LRP12: variants seen among roughly 807,000 people sequenced by gnomAD.
LRP12 encodes LDL receptor related protein 12.
LRP12 carries 14 observed loss-of-function variants against 66.0 expected under a neutral mutation model. That is an observed-to-expected ratio of 0.21 (90% CI 0.14 to 0.33). The LOEUF is 0.33. Ranked by LOEUF, LRP12 falls within the 10% of genes least tolerant of loss-of-function variation. The probability of loss-of-function intolerance (pLI) is 1.00; values close to 1 mark genes in which losing one functional copy is unlikely to be tolerated. For synonymous variants in LRP12, 357 were observed against 359.1 expected (o/e 0.99, Z 0.07); for missense variants, 889 against 1,053.4 (o/e 0.84, Z 2.16).
Position 104,497,276 on chromosome 8 carries a change from A to G in LRP12, c.1276T>C (p.Cys426Arg). Residue 426 changes from cysteine (C) to arginine (R), a missense_variant, in exon 5 of 7, where the codon TGT (cysteine) becomes CGT (arginine). Coordinates refer to ENST00000276654, the MANE Select transcript of LRP12 (RefSeq NM_013437.5). The surrounding 1 kb of genome is among the most constrained non-coding windows in gnomAD (Gnocchi z 4.3). Reference protein sequence around the residue: ...EEFPCSRNGVCYPRSDRCNYQ... With the variant: ...EEFPCSRNGVRYPRSDRCNYQ... ...TTGCAGCGATCAGAACGAGGATAAC[A>G]GACACCATTTCGGGAACATGGAAAT... 6.2e-7 allele frequency: 1 copy of G among 1,614,200 alleles called. No homozygotes were observed. Among genetic ancestry groups the G allele is most frequent in the Non-Finnish European group, 8.5e-7 (1 of 1,180,024 alleles).
chr8:104,553,116 A>G (rs1811752526), intron 1 of LRP12, among the ~76,000 whole-genome samples: 1 of 152,142 alleles, frequency 6.6e-6, no homozygotes, highest in African/African-American at 2.4e-5. Context: ...TTTGTCTTCC[A>G]GGGGTCCTTG....
chr8:104,561,783 T>C (rs1811911355), intron 1 of LRP12, among the ~76,000 whole-genome samples: 3 of 152,170 alleles, frequency 2.0e-5, no homozygotes, highest in African/African-American at 7.2e-5. Flanking sequence ...GTCCCCTTTT[T>C]ATTGGCCATT....
intron 2 of LRP12, among the ~76,000 whole-genome samples, chr8:104,521,827 A>C (rs1183244939): frequency 2.6e-5 from 4 of 151,972 alleles, no homozygotes. Context: ...ACTGGTCAAA[A>C]GAACTAGTGA....
chr8:104,575,611 A>G (rs1812153506), intron 1 of LRP12, among the ~76,000 whole-genome samples: 1 of 147,996 alleles, frequency 6.8e-6, no homozygotes, highest in Admixed American at 6.7e-5. Flanking sequence ...GATAAAAGGG[A>G]AAAAAAAATC....
chr8:104,492,142 G>A (rs577447321), intron 6 of LRP12, among the ~76,000 whole-genome samples: 2 of 151,954 alleles, frequency 1.3e-5, no homozygotes, highest in African/African-American at 2.4e-5. Flanking sequence ...ATACAGCACC[G>A]AAGACAACAA....
chr8:104,500,080 A>C (rs1048821103), intron 3 of LRP12, among the ~76,000 whole-genome samples: 8 of 152,230 alleles, frequency 5.3e-5, no homozygotes, highest in Non-Finnish European at 1.0e-4. Flanking sequence ...TTTTTACATA[A>C]ATCACTTTAT....
chr8:104,525,336 T>G (rs920340159), intron 2 of LRP12, among the ~76,000 whole-genome samples: 2 of 152,144 alleles, frequency 1.3e-5, no homozygotes, highest in African/African-American at 4.8e-5. Context: ...TTTGATAATT[T>G]AACTACAATT....
Position 104,489,483 on chromosome 8 carries a change from A to T in LRP12, c.*1190T>A, listed in dbSNP as rs1810582546. ...GAATAAATAAACCGCAACTGACAGT[A>T]AAAAAAATATGTTGGGTTTTGCAAT... On this transcript the variant is annotated 3_prime_UTR_variant, in exon 7 of 7. Transcript: ENST00000276654. 1 of 152,266 alleles carries T rather than the reference A, an allele frequency of 6.6e-6. No homozygotes were observed. Among genetic ancestry groups the T allele is most frequent in the Non-Finnish European group, 1.5e-5 (1 of 67,880 alleles). 9.4% of individuals were successfully genotyped at this position (152,266 alleles called of 1,614,324 possible).
intron 1 of LRP12, among the ~76,000 whole-genome samples, chr8:104,550,731 T>G (rs1811712618): frequency 1.3e-5 from 2 of 152,188 alleles, no homozygotes; most frequent in South Asian, 4.1e-4. Context: ...TCCTTCTTAC[T>G]GCATTAAATA....
At chr8:104,537,449 T>C (rs1811406640) in intron 1 of LRP12, among the ~76,000 whole-genome samples, 1 of 152,038 alleles carries the variant, frequency 6.6e-6, no homozygotes, top group South Asian at 2.1e-4. Context: ...AATAAACACT[T>C]CCATCTCACA....
At chr8:104,491,974 C>CTT (rs566322915) in intron 6 of LRP12, among the ~76,000 whole-genome samples, 2 of 144,550 alleles carry the variant, frequency 1.4e-5, no homozygotes, top group African/African-American at 2.5e-5. Context: ...GGACTTTTAT[C>CTT]TTTTTTTTTT....
intron 2 of LRP12, among the ~76,000 whole-genome samples, chr8:104,514,390 T>C (rs1466608486): frequency 6.6e-6 from 1 of 151,952 alleles, no homozygotes. Context: ...TGGCTTATTA[T>C]TATAATATTG....
intron 1 of LRP12, among the ~76,000 whole-genome samples, chr8:104,547,698 T>A (rs1428424458): frequency 1.6e-5 from 2 of 126,994 alleles, no homozygotes; most frequent in East Asian, 4.4e-4. Flanking sequence ...TAAAATCATA[T>A]ATTATATATA....
intron 2 of LRP12, among the ~76,000 whole-genome samples, chr8:104,524,608 AG>A: frequency 6.6e-6 from 1 of 152,354 alleles, no homozygotes; most frequent in Non-Finnish European, 1.5e-5. Flanking sequence ...CAGAAAGAGC[AG>A]GAGATAAAAT....
chr8:104,496,564 CTG>C (rs917948354), intron 5 of LRP12, among the ~76,000 whole-genome samples: 1 of 152,156 alleles, frequency 6.6e-6, no homozygotes, highest in African/African-American at 2.4e-5. Flanking sequence ...TTCCTCCTAA[CTG>C]TAAACTGCTT....
chr8:104,529,435 G>A (rs1186903278), intron 2 of LRP12, among the ~76,000 whole-genome samples: 2 of 151,796 alleles, frequency 1.3e-5, no homozygotes, highest in East Asian at 3.9e-4. Flanking sequence ...CTGAAATTCA[G>A]AAGAAAAAAA....
intron 1 of LRP12, among the ~76,000 whole-genome samples, chr8:104,537,951 C>T (rs1437691771): frequency 6.6e-6 from 1 of 152,122 alleles, no homozygotes; most frequent in Admixed American, 6.5e-5. Flanking sequence ...TGCTGGCTTC[C>T]TCATCATCCT....
intron 1 of LRP12, among the ~76,000 whole-genome samples, chr8:104,581,683 T>G (rs1449687659): frequency 3.9e-5 from 6 of 152,150 alleles, no homozygotes; most frequent in African/African-American, 1.2e-4. Flanking sequence ...AAGTGTGATA[T>G]GATTCAATCA....
At chr8:104,554,286 T>A (rs1435844079) in intron 1 of LRP12, among the ~76,000 whole-genome samples, 2 of 152,070 alleles carry the variant, frequency 1.3e-5, no homozygotes, top group African/African-American at 4.8e-5. Context: ...ATCTCTGACT[T>A]GCCAGAAAAA....
Sources: allele counts gnomAD v4.1 joint callset (sites outside exome capture counted in the v4.1 genomes callset), GRCh38; gene constraint gnomAD v4.1.1; non-coding constraint Gnocchi (gnomAD v3.1); transcripts MANE v1.5; gene names NCBI Gene and HGNC (gene_info 2026-07-23, HGNC 2026-07-21).